Variants in LRRC4C observed in about 807,000 individuals in gnomAD.
The protein encoded by LRRC4C is leucine-rich repeat-containing protein 4C.
A neutral mutation model predicts 33.6 loss-of-function variants in LRRC4C; 5 were observed. The observed-to-expected ratio is 0.15, with a 90% CI of 0.08 to 0.31. The LOEUF is 0.31. Ranked by LOEUF, LRRC4C falls within the 10% of genes least tolerant of loss-of-function variation. The probability of loss-of-function intolerance (pLI) is 1.00; values close to 1 mark genes in which losing one functional copy is unlikely to be tolerated. For missense variants in LRRC4C, 560 were observed against 796.7 expected (o/e 0.70, Z 3.58); for synonymous variants, 329 against 302.0 (o/e 1.09, Z -0.93).
chr11:40,478,201 A>G (rs992786900), intron 3 of LRRC4C, among the ~76,000 whole-genome samples: 1 of 152,220 alleles, frequency 6.6e-6, no homozygotes, highest in Non-Finnish European at 1.5e-5. Context: ...AGAAAAAGTC[A>G]CTGGTTCTCT....
At chr11:40,883,824 G>A (rs752223927) in intron 2 of LRRC4C, among the ~76,000 whole-genome samples, 1 of 151,002 alleles carries the variant, frequency 6.6e-6, no homozygotes, top group Non-Finnish European at 1.5e-5. Context: ...TCAAAATGAC[G>A]GATTTAAAAA....
intron 5 of LRRC4C, among the ~76,000 whole-genome samples, chr11:40,158,226 G>T (rs1858865089): frequency 1.3e-5 from 2 of 152,048 alleles, no homozygotes; most frequent in African/African-American, 2.4e-5. Context: ...GGACACAAAG[G>T]CATAAAAATG....
intron 2 of LRRC4C, among the ~76,000 whole-genome samples, chr11:40,834,687 T>C (rs1218764672): frequency 6.6e-6 from 1 of 152,054 alleles, no homozygotes; most frequent in Non-Finnish European, 1.5e-5. Flanking sequence ...AACGATTCCA[T>C]AAATCCCTTT....
chr11:40,133,023 A>ACTAT (rs1357683606), intron 6 of LRRC4C, among the ~76,000 whole-genome samples: 3 of 152,214 alleles, frequency 2.0e-5, no homozygotes, highest in African/African-American at 7.2e-5. Context: ...ATCTAAGAAG[A>ACTAT]CTATCTGAAA....
At chr11:40,738,949 G>A (rs1161483610) in intron 2 of LRRC4C, among the ~76,000 whole-genome samples, 1 of 151,928 alleles carries the variant, frequency 6.6e-6, no homozygotes, top group East Asian at 1.9e-4. Context: ...GATATACGCT[G>A]TGAAATGATT....
chr11:40,752,204 A>T (rs547889843), intron 2 of LRRC4C, among the ~76,000 whole-genome samples: 3 of 152,098 alleles, frequency 2.0e-5, no homozygotes, highest in African/African-American at 7.2e-5. Context: ...CAAAAATTTT[A>T]TGCTAAGACC....
chr11:40,550,587 T>G (rs1420687184), intron 3 of LRRC4C, among the ~76,000 whole-genome samples: 1 of 152,192 alleles, frequency 6.6e-6, no homozygotes, highest in East Asian at 1.9e-4. Context: ...GGATGAATAT[T>G]AATTGATGTT....
At chr11:40,225,486 T>C (rs1316147143) in intron 5 of LRRC4C, among the ~76,000 whole-genome samples, 1 of 152,186 alleles carries the variant, frequency 6.6e-6, no homozygotes, top group African/African-American at 2.4e-5. Flanking sequence ...ACTATCATAT[T>C]TGAGTGAAGC....
At chr11:40,222,084 T>C (rs1864462463) in intron 5 of LRRC4C, among the ~76,000 whole-genome samples, 1 of 152,168 alleles carries the variant, frequency 6.6e-6, no homozygotes, top group Non-Finnish European at 1.5e-5. Flanking sequence ...TTGTGCTAAG[T>C]ACTGTACCTA....
intron 3 of LRRC4C, among the ~76,000 whole-genome samples, chr11:40,632,231 G>T (rs2136025634): frequency 6.6e-6 from 1 of 152,320 alleles, no homozygotes; most frequent in East Asian, 1.9e-4. Context: ...TTTTGAAAAA[G>T]CTGGCCCAGA....
chr11:40,807,271 A>G (rs1397484321), intron 2 of LRRC4C, among the ~76,000 whole-genome samples: 2 of 152,184 alleles, frequency 1.3e-5, no homozygotes, highest in Admixed American at 1.3e-4. Flanking sequence ...CTTAATTTTC[A>G]CACTGTACCC....
At chr11:41,420,220 T>C (rs1302683377) in intron 1 of LRRC4C, among the ~76,000 whole-genome samples, 1 of 151,930 alleles carries the variant, frequency 6.6e-6, no homozygotes, top group Non-Finnish European at 1.5e-5. Flanking sequence ...GTCTACATCA[T>C]TTCTCCAAAG....
chr11:41,182,895 G>C (rs1009266853), intron 1 of LRRC4C, among the ~76,000 whole-genome samples: 8 of 151,856 alleles, frequency 5.3e-5, no homozygotes, highest in Non-Finnish European at 1.2e-4. Flanking sequence ...CACAAGGCTG[G>C]GGAGGCCTCA....
chr11:40,694,899 C>T (rs887328369), intron 2 of LRRC4C, among the ~76,000 whole-genome samples: 1 of 151,978 alleles, frequency 6.6e-6, no homozygotes, highest in East Asian at 1.9e-4. Context: ...CATCGTAGCC[C>T]CCTTCTCTTC....
Position 40,136,820 on chromosome 11 carries a change from C to T in LRRC4C, c.-43+3981G>A, listed in dbSNP as rs1390215363. Among the ~76,000 whole-genome samples, 4 of 152,182 alleles carry T rather than the reference C, an allele frequency of 2.6e-5. No homozygotes were observed. The East Asian group carries it at 7.7e-4, about 29-fold the overall frequency. On this transcript the variant is annotated intron_variant, in intron 6 of 6. Transcript: ENST00000528697. ...TGCCTGTAGCACCATTACTTGATCACACTTTCAGTACACTGTGACATATTG... is the reference window on the plus strand; with the variant it reads ...TGCCTGTAGCACCATTACTTGATCATACTTTCAGTACACTGTGACATATTG...
rs539569077 is a variant in LRRC4C, at chr11:40,539,338, T to C, written c.-270+108804A>G. On this transcript the variant is annotated intron_variant, in intron 3 of 6. Transcript: ENST00000528697. ...ATGCTCAGTAGTACCTATATTGATT[T>C]ATTCTCATATGCTTTTAGAATTACC... Among the ~76,000 whole-genome samples, 3 of 152,318 alleles carry C rather than the reference T, an allele frequency of 2.0e-5. No homozygotes were observed. In the East Asian group the frequency reaches 5.8e-4, roughly 29 times the overall value.
At chr11:41,287,192 T>C (rs1194639274) in intron 1 of LRRC4C, among the ~76,000 whole-genome samples, 1 of 152,196 alleles carries the variant, frequency 6.6e-6, no homozygotes, top group Non-Finnish European at 1.5e-5. Context: ...TGAAAACCTA[T>C]AGATCTGGTT....
At chr11:40,984,613 C>T (rs930972085) in intron 1 of LRRC4C, among the ~76,000 whole-genome samples, 4 of 152,026 alleles carry the variant, frequency 2.6e-5, no homozygotes, top group Middle Eastern at 3.2e-3. Flanking sequence ...TTAGTTGCCA[C>T]GATCTCTCCA....
chr11:41,231,805 A>T (rs935486944), intron 1 of LRRC4C, among the ~76,000 whole-genome samples: 1 of 151,890 alleles, frequency 6.6e-6, no homozygotes, highest in African/African-American at 2.4e-5. Flanking sequence ...ATATATACAA[A>T]TATATGTAGA....
Sources: allele counts gnomAD v4.1 joint callset (sites outside exome capture counted in the v4.1 genomes callset), GRCh38; gene constraint gnomAD v4.1.1; transcripts MANE v1.5; gene names NCBI Gene and HGNC (gene_info 2026-07-23, HGNC 2026-07-21).